CYLD: variants seen among roughly 807,000 people sequenced by gnomAD.
CYLD encodes the protein ubiquitin carboxyl-terminal hydrolase CYLD.
CYLD carries 26 observed loss-of-function variants against 104.5 expected under a neutral mutation model. That is an observed-to-expected ratio of 0.25 (90% CI 0.18 to 0.35). The LOEUF (loss-of-function observed/expected upper bound fraction) is 0.35. Ranked by LOEUF, CYLD falls within the 10% of genes least tolerant of loss-of-function variation. CYLD has a pLI of 1.00. For synonymous variants in CYLD, 385 were observed against 399.9 expected (o/e 0.96, Z 0.45); for missense variants, 703 against 1,136.1 (o/e 0.62, Z 5.48).
rs1376417870 is a variant in CYLD, at chr16:50,800,342, C to A, written c.*3834C>A. On this transcript the variant is annotated 3_prime_UTR_variant, in exon 19 of 19. Coordinates refer to ENST00000427738, the MANE Select transcript of CYLD (RefSeq NM_001378743.1). ...GCTAACTGGAAGATCTCAAAGCTTC[C>A]TTCACTTTTTGTGATTTTGTGGTCA... is the stretch of plus-strand genomic sequence containing the variant. 1.7e-5 allele frequency: 4 copies of A among 233,334 alleles called. No individual in the cohort carries two copies. Among genetic ancestry groups the A allele is most frequent in the Non-Finnish European group, 3.4e-5 (4 of 118,022 alleles). The allele number at this position is 233,334 out of a possible 1,614,324, so 14.5% of individuals were successfully genotyped here. A position where few individuals can be genotyped will look rare whatever the true frequency, so the allele number is the denominator to read the frequency against.
At chr16:50,787,146 C>A in intron 13 of CYLD, 200 bp downstream of exon 13, 1 of 593,880 alleles carries the variant, frequency 1.7e-6, no homozygotes, top group Non-Finnish European at 3.0e-6. Flanking sequence ...GAATAATGAA[C>A]TCCTTTAAGA....
intron 5 of CYLD, among the ~76,000 whole-genome samples, chr16:50,773,096 T>C (rs1548989): frequency 0.1 from 15,528 of 152,240 alleles, 2,577 homozygotes; most frequent in African/African-American, 0.35. Context: ...AAGATTTCTG[T>C]GGATGTTAAA....
chr16:50,783,178 C>T lies in CYLD; in HGVS notation c.1826+712C>T, dbSNP rs145071985. On this transcript the variant is annotated intron_variant, in intron 11 of 18. Coordinates refer to ENST00000427738, the MANE Select transcript of CYLD (RefSeq NM_001378743.1). ...AACGTCTCACCTCAAATGATCTACC[C>T]GCCTTGGCCTCCCAAAGTGCTTGGG... is the stretch of plus-strand genomic sequence containing the variant. Among the ~76,000 whole-genome samples, 277 of 152,138 alleles carry T rather than the reference C, an allele frequency of 1.8e-3. 5 individuals are homozygous for T. In the East Asian group the frequency reaches 0.029, roughly 16 times the overall value.
chr16:50,776,624 C>T lies in CYLD; in HGVS notation c.1021+347C>T, dbSNP rs192540504. 2.0e-5 allele frequency among the ~76,000 whole-genome samples: 3 copies of T among 152,252 alleles called. No homozygotes were observed. The East Asian group carries it at 5.8e-4, about 29-fold the overall frequency. On this transcript the variant is annotated intron_variant, in intron 7 of 18. Transcript: ENST00000427738. Reference sequence around the variant, plus strand: ...ATAATGTTATATAGGATAAAGTATACTAGAGGTTAATTAAATGGATTTTGC... The same window carrying T: ...ATAATGTTATATAGGATAAAGTATATTAGAGGTTAATTAAATGGATTTTGC...
chr16:50,788,230 T>G (rs956203132), intron 14 of CYLD, among the ~76,000 whole-genome samples: 1 of 152,180 alleles, frequency 6.6e-6, no homozygotes, highest in Non-Finnish European at 1.5e-5. Context: ...TACTCATCAC[T>G]CAAAAAATTT....
At position 50,770,504 on chromosome 16, in the gene CYLD, A is replaced by G. The variant is rs1440138601; in HGVS notation, c.914-4662A>G. On this transcript the variant is annotated intron_variant, in intron 5 of 18. Transcript: ENST00000427738. ...TTGCTCTGTTCACCCAGGCTGGAGT[A>G]TAGTGGCGTGATCTCGGCTCACTGT... Among the ~76,000 whole-genome samples the G allele has an allele frequency of 2.7e-5, 4 of 145,858 alleles. No homozygotes were observed. In the Admixed American group the frequency reaches 2.8e-4, roughly 10 times the overall value.
At chr16:50,764,496 T>C (rs1332560502) in intron 5 of CYLD, among the ~76,000 whole-genome samples, 1 of 152,202 alleles carries the variant, frequency 6.6e-6, no homozygotes, top group Admixed American at 6.5e-5. Context: ...TGTGTTCCTA[T>C]TTTCATCCAA....
intron 10 of CYLD, 58 bp downstream of exon 10, chr16:50,781,469 T>G: frequency 1.3e-6 from 2 of 1,565,962 alleles, no homozygotes; most frequent in Non-Finnish European, 1.8e-6. Context: ...TCTAATCTCA[T>G]ATCATGTTAT....
chr16:50,796,163 T>C (rs1438559512), intron 18 of CYLD, among the ~76,000 whole-genome samples, 161 bp from the exon 19 acceptor site: 2 of 152,174 alleles, frequency 1.3e-5, no homozygotes, highest in East Asian at 1.9e-4. Context: ...AATGAGAATA[T>C]GTCAAGGGTT....
In CYLD at chr16:50,750,113, G is replaced by A; in HGVS notation, c.415G>A (p.Glu139Lys). Reference sequence around the variant, plus strand: ...TGTGAAAGTACAGCTGAGATCTGGGGAAGAAAAATTTCCTGGAGTTGTACG... The same window carrying A: ...TGTGAAAGTACAGCTGAGATCTGGGAAAGAAAAATTTCCTGGAGTTGTACG... ...CPVKVQLRSG[E>K]EKFPGVVRFR... Residue 139 changes from glutamate to lysine, a missense_variant, in exon 3 of 19, where the codon GAA (glutamate) becomes AAA (lysine). Coordinates refer to ENST00000427738, the MANE Select transcript of CYLD (RefSeq NM_001378743.1). 6.2e-7 allele frequency: 1 copy of A among 1,614,116 alleles called. No individual in the cohort carries two copies. The highest frequency in any genetic ancestry group is 8.5e-7 in the Non-Finnish European group (1 of 1,180,006).
Position 50,794,050 on chromosome 16 carries a change from C to T in CYLD, c.2470-162C>T, listed in dbSNP as rs1417306811. Among the ~76,000 whole-genome samples, 3 of 151,956 alleles carry T rather than the reference C, an allele frequency of 2.0e-5. No individual in the cohort carries two copies. Among genetic ancestry groups the T allele is most frequent in the African/African-American group, 7.3e-5 (3 of 41,352 alleles). ...TTAAATGATTCTCCTGCCTCAGCCT[C>T]CCGAGTAGCTGGGACTGCAGGCGCC... On this transcript the variant is annotated intron_variant, in intron 17 of 18. Transcript: ENST00000427738. The surrounding 1 kb of genome is among the most constrained non-coding windows in gnomAD (Gnocchi z 4.1).
intron 2 of CYLD, 99 bp downstream of exon 2, chr16:50,742,940 G>T (rs1050368721): frequency 1.8e-5 from 7 of 396,988 alleles, no homozygotes; most frequent in Non-Finnish European, 1.3e-5. Context: ...AGGAGATGGT[G>T]TTGAGTTTGG....
At position 50,794,238 on chromosome 16, in the gene CYLD, T is replaced by C. The variant is rs753990020; in HGVS notation, c.2496T>C (p.Asn832=). The part of the protein sequence containing the change: ...TQVHLHPKRL[N]HKYNPVSLPK... ...TCCACCTTCATCCGAAGAGGCTGAA[T>C]CATAAATATAACCCAGTGTCACTTC... The change falls in exon 18 of 19, where the codon AAT becomes AAC. Residue 832 remains asparagine (N), a synonymous_variant. Coordinates refer to ENST00000427738, the MANE Select transcript of CYLD (RefSeq NM_001378743.1). The surrounding 1 kb of genome is among the most constrained non-coding windows in gnomAD (Gnocchi z 4.1). 6.2e-7 allele frequency: 1 copy of C among 1,614,098 alleles called. No individual in the cohort carries two copies. Among genetic ancestry groups the C allele is most frequent in the Admixed American group, 1.7e-5 (1 of 60,012 alleles).
chr16:50,787,165 G>T lies in CYLD; in HGVS notation c.2041+219G>T, dbSNP rs1970924386. 9.0e-6 allele frequency: 5 copies of T among 556,144 alleles called. No homozygotes were observed. The African/African-American group carries it at 9.5e-5, about 11-fold the overall frequency. The allele number at this position is 556,144 out of a possible 1,614,324, so 34.5% of individuals were successfully genotyped here. On this transcript the variant is annotated intron_variant, in intron 13 of 18. Coordinates refer to ENST00000427738, the MANE Select transcript of CYLD (RefSeq NM_001378743.1). ...AATGAACTCCTTTAAGAAGCTGGCT[G>T]GTTCTAGTATATTAAATGCTTAAAT...
intron 10 of CYLD, among the ~76,000 whole-genome samples, chr16:50,781,913 A>C (rs933085208): frequency 8.5e-5 from 13 of 152,212 alleles, no homozygotes; most frequent in African/African-American, 3.1e-4. Flanking sequence ...GTGGAAAAGC[A>C]TCTTGGGGCT....
At position 50,749,671 on chromosome 16, in the gene CYLD, G is replaced by A. The variant is rs1439073337; in HGVS notation, c.-28G>A. On this transcript the variant is annotated 5_prime_UTR_variant, in exon 3 of 19. It removes the in-frame stop codon of an upstream open reading frame in the 5' UTR. Transcript: ENST00000427738. ...AAGTTATTAGTAGTTTCCCTTTTTT[G>A]AATTAGTATTTTGAAGTTAATATCA... 6.2e-6 allele frequency: 10 copies of A among 1,606,598 alleles called. No individual in the cohort carries two copies. Among genetic ancestry groups the A allele is most frequent in the Non-Finnish European group, 8.5e-6 (10 of 1,177,080 alleles).
At chr16:50,769,317 A>G (rs971183944) in intron 5 of CYLD, among the ~76,000 whole-genome samples, 9 of 152,208 alleles carry the variant, frequency 5.9e-5, no homozygotes, top group Admixed American at 4.6e-4. Flanking sequence ...GAAGCAGTAT[A>G]TGAGAGATAC....
intron 7 of CYLD, 109 bp downstream of exon 7, chr16:50,776,386 T>C: frequency 1.2e-6 from 1 of 832,940 alleles, no homozygotes; most frequent in East Asian, 2.5e-5. Context: ...TAGACTTTTT[T>C]TCTTTCAAAC....
intron 14 of CYLD, among the ~76,000 whole-genome samples, chr16:50,790,469 CTG>C (rs1455588974): frequency 6.6e-6 from 1 of 151,686 alleles, no homozygotes. Context: ...TTCCTGTAAA[CTG>C]TTAATTTTCT....
Sources: allele counts gnomAD v4.1 joint callset (sites outside exome capture counted in the v4.1 genomes callset), GRCh38; gene constraint gnomAD v4.1.1; non-coding constraint Gnocchi (gnomAD v3.1); transcripts MANE v1.5; gene names NCBI Gene and HGNC (gene_info 2026-07-23, HGNC 2026-07-21).